The following DPP10 variants were observed in gnomAD, a reference collection of about 807,000 sequenced individuals.
DPP10 encodes inactive dipeptidyl peptidase 10.
A neutral mutation model predicts 120.9 loss-of-function variants in DPP10; 33 were observed. The observed-to-expected ratio is 0.27, with a 90% confidence interval of 0.21 to 0.37. DPP10 has a LOEUF of 0.37. DPP10 is among the 10% of genes least tolerant of loss of function. The pLI is 1.00. For synonymous variants in DPP10, 337 were observed against 326.1 expected, an observed-to-expected ratio of 1.03 and a Z score of -0.36; for missense variants, 816 against 942.8, an observed-to-expected ratio of 0.87 and a Z score of 1.76.
At chr2:114,974,696 T>C (rs1032111916) in intron 1 of DPP10, among the ~76,000 whole-genome samples, 6 of 151,380 alleles carry the variant, frequency 4.0e-5, no homozygotes, top group Non-Finnish European at 7.4e-5. Context: ...CGTGAGCCAC[T>C]GCACCCAGCC....
At chr2:115,086,517 C>T (rs1236132463) in intron 1 of DPP10, among the ~76,000 whole-genome samples, 5 of 148,694 alleles carry the variant, frequency 3.4e-5, no homozygotes, top group African/African-American at 1.0e-4. Flanking sequence ...AGTGTAGTGG[C>T]GCCATCTCGG....
At chr2:114,992,283 T>C (rs1216459227) in intron 1 of DPP10, among the ~76,000 whole-genome samples, 1 of 152,224 alleles carries the variant, frequency 6.6e-6, no homozygotes, top group Non-Finnish European at 1.5e-5. Context: ...GGCTGGTGTT[T>C]CTTACTTACA....
intron 1 of DPP10, among the ~76,000 whole-genome samples, chr2:115,287,638 G>A (rs1275057692): frequency 1.3e-5 from 2 of 152,048 alleles, no homozygotes; most frequent in African/African-American, 2.4e-5. Context: ...TCATTTTTAT[G>A]GCTGAGTAGT....
chr2:115,054,421 T>C (rs1481014958), intron 1 of DPP10, among the ~76,000 whole-genome samples: 1 of 152,140 alleles, frequency 6.6e-6, no homozygotes, highest in East Asian at 1.9e-4. Flanking sequence ...CATAAGCCCA[T>C]TGCAAAATTC....
chr2:115,039,384 C>T (rs777449623), intron 1 of DPP10, among the ~76,000 whole-genome samples: 1 of 152,098 alleles, frequency 6.6e-6, no homozygotes, highest in Non-Finnish European at 1.5e-5. Flanking sequence ...TTTTAAATAA[C>T]AATAACTCCA....
chr2:114,918,163 A>G (rs1395794873), intron 1 of DPP10, among the ~76,000 whole-genome samples: 1 of 152,236 alleles, frequency 6.6e-6, no homozygotes, highest in African/African-American at 2.4e-5. Flanking sequence ...ACTTCCCAAA[A>G]GACGACATGC....
chr2:115,656,392 T>A (rs1431076915), intron 5 of DPP10, among the ~76,000 whole-genome samples: 1 of 151,608 alleles, frequency 6.6e-6, no homozygotes, highest in Non-Finnish European at 1.5e-5. Flanking sequence ...AATTTTTTTT[T>A]ATTCTGAGAG....
chr2:114,521,618 A>G (rs1685058282), intron 1 of DPP10, among the ~76,000 whole-genome samples: 1 of 152,130 alleles, frequency 6.6e-6, no homozygotes, highest in Admixed American at 6.5e-5. Context: ...AACTAAAACC[A>G]GAATCTTAAT....
At chr2:115,767,805 TTCAGTTAATTTATGAATACATTATC>T (rs1214326151) in intron 12 of DPP10, among the ~76,000 whole-genome samples, 2 of 152,092 alleles carry the variant, frequency 1.3e-5, no homozygotes, top group African/African-American at 4.8e-5. Context: ...CTTTTGTATT[TTCAGTTAATTTATGAATACATTATC>T]AGAAAAGAAT....
intron 4 of DPP10, among the ~76,000 whole-genome samples, chr2:115,515,089 CA>C (rs1034318097): frequency 1.3e-5 from 2 of 151,160 alleles, no homozygotes. Context: ...TTTTTTAAAA[CA>C]AAAAAAATTG....
chr2:115,143,876 G>C (rs530535015), intron 1 of DPP10, among the ~76,000 whole-genome samples: 54 of 152,244 alleles, frequency 3.5e-4, no homozygotes, highest in South Asian at 2.3e-3. Context: ...TGCCAATCTC[G>C]AGATTCCTTC....
intron 3 of DPP10, among the ~76,000 whole-genome samples, chr2:115,488,529 A>T (rs2075891050): frequency 1.7e-4 from 1 of 5,976 alleles, no homozygotes; most frequent in Non-Finnish European, 4.5e-4. Context: ...GCACATATAC[A>T]CCATGGAATA....
chr2:114,471,060 C>T (rs1333316396), intron 1 of DPP10, among the ~76,000 whole-genome samples: 1 of 152,160 alleles, frequency 6.6e-6, no homozygotes, highest in Non-Finnish European at 1.5e-5. Context: ...AGAGCTTTTG[C>T]ATTAAACTAT....
At chr2:114,881,355 T>C (rs574645001) in intron 1 of DPP10, among the ~76,000 whole-genome samples, 23 of 152,218 alleles carry the variant, frequency 1.5e-4, no homozygotes, top group African/African-American at 5.3e-4. Context: ...CTTTAGTACA[T>C]TTGTTGTAAC....
chr2:114,646,788 A>G (rs1255744288), intron 1 of DPP10, among the ~76,000 whole-genome samples: 1 of 152,166 alleles, frequency 6.6e-6, no homozygotes, highest in Non-Finnish European at 1.5e-5. Flanking sequence ...GCTGAAAGGA[A>G]ACCTGAAGCT....
intron 5 of DPP10, among the ~76,000 whole-genome samples, chr2:115,635,806 G>T (rs556875188): frequency 6.6e-6 from 1 of 152,042 alleles, no homozygotes; most frequent in Non-Finnish European, 1.5e-5. Flanking sequence ...AATAAATATG[G>T]CTGGAATGAT....
At chr2:115,840,969 T>A (rs1300039363) in intron 25 of DPP10, 146 bp downstream of exon 25, 1 of 603,400 alleles carries the variant, frequency 1.7e-6, no homozygotes, top group Non-Finnish European at 2.7e-6. Flanking sequence ...TCTCTGTTCC[T>A]GATTACACCG....
intron 1 of DPP10, among the ~76,000 whole-genome samples, chr2:114,734,935 C>A (rs1015427368): frequency 7.9e-5 from 12 of 152,154 alleles, no homozygotes; most frequent in African/African-American, 2.9e-4. Flanking sequence ...CTGGTTTCTT[C>A]TGAGGCCTCT....
At chr2:115,000,420 A>G (rs1236571366) in intron 1 of DPP10, among the ~76,000 whole-genome samples, 2 of 152,184 alleles carry the variant, frequency 1.3e-5, no homozygotes, top group African/African-American at 4.8e-5. Flanking sequence ...AAATACTTCC[A>G]AAAGAACTGT....
Sources: gnomAD v4.1 joint callset for allele counts (sites outside exome capture counted in the v4.1 genomes callset) on GRCh38, gnomAD v4.1.1 for gene constraint, MANE v1.5 for transcripts, NCBI Gene and HGNC (gene_info 2026-07-23, HGNC 2026-07-21) for gene names.